Variants in CDH4 observed in about 807,000 individuals in gnomAD.
The protein encoded by CDH4 is cadherin 4, also known as cadherin-4.
A neutral mutation model predicts 86.0 loss-of-function variants in CDH4; 33 were observed. The ratio of observed to expected loss-of-function variants is 0.38; its 90% CI spans 0.29 to 0.51. CDH4 has a LOEUF of 0.51. Ranked by LOEUF, CDH4 falls within the 20% of genes least tolerant of loss-of-function variation. The probability of loss-of-function intolerance (pLI) is 0.86; values close to 1 mark genes in which losing one functional copy is unlikely to be tolerated. For synonymous variants in CDH4, 555 were observed against 549.4 expected, an observed-to-expected ratio of 1.01 and a Z score of -0.14; for missense variants, 1,114 against 1,307.4, an observed-to-expected ratio of 0.85 and a Z score of 2.28.
chr20:61,617,659 G>A (rs753392080), intron 2 of CDH4, among the ~76,000 whole-genome samples: 3 of 152,200 alleles, frequency 2.0e-5, no homozygotes, highest in Non-Finnish European at 4.4e-5. Context: ...TGAAGCAGGG[G>A]GCATGAACGC....
At position 61,417,529 on chromosome 20, in the gene CDH4, C is replaced by G. The variant is rs1022702659; in HGVS notation, c.169+162592C>G. On this transcript the variant is annotated intron_variant, in intron 2 of 15. Coordinates refer to ENST00000614565, the MANE Select transcript of CDH4 (RefSeq NM_001794.5). This position sits in a 1 kb window ranked among gnomAD's most constrained non-coding sequence, Gnocchi z 4.0. ...TGGGAATCGGGCCATCGGAACATCT[C>G]CCCTTCTGGGTTGATTACTGTCAAC... 1.2e-4 allele frequency among the ~76,000 whole-genome samples: 19 copies of G among 152,320 alleles called. No individual in the cohort carries two copies. The highest frequency in any genetic ancestry group is 6.8e-3 in the Middle Eastern group (2 of 292).
At chr20:61,299,681 T>G (rs2084375840) in intron 2 of CDH4, among the ~76,000 whole-genome samples, 1 of 152,154 alleles carries the variant, frequency 6.6e-6, no homozygotes, top group Non-Finnish European at 1.5e-5. Context: ...ATCAGGACCC[T>G]GGAACCCCAT....
At chr20:61,525,461 C>T (rs151062563) in intron 2 of CDH4, among the ~76,000 whole-genome samples, 16 of 152,240 alleles carry the variant, frequency 1.1e-4, no homozygotes, top group African/African-American at 3.4e-4. Flanking sequence ...AGGATGCATG[C>T]GGTGAGCAGG....
intron 2 of CDH4, among the ~76,000 whole-genome samples, chr20:61,433,620 G>A (rs145542098): frequency 7.2e-5 from 11 of 152,254 alleles, no homozygotes; most frequent in African/African-American, 1.2e-4. Context: ...CAACTTGTAC[G>A]TGAGTTCTAG....
chr20:61,913,797 TG>T (rs1396161104), intron 9 of CDH4, among the ~76,000 whole-genome samples: 1 of 152,218 alleles, frequency 6.6e-6, no homozygotes, highest in Non-Finnish European at 1.5e-5. Flanking sequence ...GCATGAATTT[TG>T]GAGGCAGAGA....
At chr20:61,732,263 C>T (rs1337633113) in intron 2 of CDH4, among the ~76,000 whole-genome samples, 2 of 152,194 alleles carry the variant, frequency 1.3e-5, no homozygotes, top group African/African-American at 4.8e-5. Context: ...TGGACATGAA[C>T]ACTGTGATAT....
At chr20:61,774,894 T>A (rs7272284) in intron 4 of CDH4, among the ~76,000 whole-genome samples, 79,442 of 151,950 alleles carry the variant, frequency 0.52, 20,954 homozygotes, top group East Asian at 0.71. Context: ...CATGGTGTAT[T>A]TGTACCACAT....
intron 2 of CDH4, among the ~76,000 whole-genome samples, chr20:61,519,702 C>T (rs993033428): frequency 1.5e-4 from 23 of 152,338 alleles, no homozygotes; most frequent in Admixed American, 3.9e-4. Flanking sequence ...TCTATTCTTT[C>T]GTTGTTCCTT....
At chr20:61,814,195 G>A (rs1436479933) in intron 4 of CDH4, among the ~76,000 whole-genome samples, 1 of 152,174 alleles carries the variant, frequency 6.6e-6, no homozygotes, top group African/African-American at 2.4e-5. Flanking sequence ...CCACTTTGTA[G>A]GCAGTGAGGC....
At chr20:61,714,731 A>T (rs900589337) in intron 2 of CDH4, among the ~76,000 whole-genome samples, 1 of 152,128 alleles carries the variant, frequency 6.6e-6, no homozygotes, top group Admixed American at 6.5e-5. Flanking sequence ...GCCACACAAG[A>T]TATTGTTTCA....
intron 4 of CDH4, among the ~76,000 whole-genome samples, chr20:61,790,698 A>G (rs920001716): frequency 8.1e-5 from 12 of 148,262 alleles, no homozygotes; most frequent in Non-Finnish European, 1.3e-4. Flanking sequence ...CCATCCATCC[A>G]TTTGTCTCTC....
intron 2 of CDH4, among the ~76,000 whole-genome samples, chr20:61,651,247 C>G (rs894903026): frequency 4.6e-5 from 7 of 152,234 alleles, no homozygotes; most frequent in African/African-American, 1.7e-4. Context: ...GAGTTAGCAT[C>G]GTGCTTGGCC....
rs191302679 is a variant in CDH4, at chr20:61,661,724, C to A, written c.170-81839C>A. Among the ~76,000 whole-genome samples the A allele has an allele frequency of 4.6e-5, 7 of 152,270 alleles. No homozygotes were observed. The East Asian group carries it at 1.4e-3, about 30-fold the overall frequency. On this transcript the variant is annotated intron_variant, in intron 2 of 15. Transcript: ENST00000614565. ...AGTTGTTGCAAAGACGTCACAGCCACCGCACACATTTCCACTTTGGGTCTG... is the reference window on the plus strand; with the variant it reads ...AGTTGTTGCAAAGACGTCACAGCCAACGCACACATTTCCACTTTGGGTCTG...
intron 2 of CDH4, among the ~76,000 whole-genome samples, chr20:61,650,192 C>T (rs904355231): frequency 2.6e-5 from 4 of 152,210 alleles, no homozygotes; most frequent in East Asian, 1.9e-4. Context: ...AATCCATCAG[C>T]GGCTCTGTAT....
chr20:61,547,244 ACT>A (rs1391145018), intron 2 of CDH4, among the ~76,000 whole-genome samples: 1 of 113,532 alleles, frequency 8.8e-6, no homozygotes, highest in Non-Finnish European at 1.6e-5. Flanking sequence ...ACGGAGTCTC[ACT>A]CTGTCTCCCA....
intron 5 of CDH4, among the ~76,000 whole-genome samples, chr20:61,849,228 G>A (rs1982600795): frequency 6.6e-6 from 1 of 151,838 alleles, no homozygotes. Context: ...CCCTGGAGAA[G>A]GAAGCCCCTC....
chr20:61,299,181 C>T (rs980756987), intron 2 of CDH4, among the ~76,000 whole-genome samples: 13 of 152,118 alleles, frequency 8.5e-5, no homozygotes, highest in African/African-American at 3.1e-4. Context: ...GAAGAGGAAA[C>T]CGAATCCAGT....
At chr20:61,846,547 GGGAGACAGAGACACAGAGAGAGACATA>G (rs1282045726) in intron 5 of CDH4, among the ~76,000 whole-genome samples, 3 of 152,046 alleles carry the variant, frequency 2.0e-5, no homozygotes, top group Admixed American at 2.0e-4. Context: ...GAGACAGAGA[GGGAGACAGAGACACAGAGAGAGACATA>G]GGAGACAGAG....
intron 2 of CDH4, among the ~76,000 whole-genome samples, chr20:61,593,595 G>C (rs1480755972): frequency 6.6e-6 from 1 of 152,224 alleles, no homozygotes; most frequent in Admixed American, 6.5e-5. Context: ...TTCAGAATGA[G>C]AGTCACTCAG....
Sources: gnomAD v4.1 joint callset for allele counts (sites outside exome capture counted in the v4.1 genomes callset) on GRCh38, gnomAD v4.1.1 for gene constraint, Gnocchi (gnomAD v3.1) non-coding constraint, MANE v1.5 for transcripts, NCBI Gene and HGNC (gene_info 2026-07-23, HGNC 2026-07-21) for gene names.